The following DOCK8 variants were observed in gnomAD, a reference collection of about 807,000 sequenced individuals.
The protein encoded by DOCK8 is dedicator of cytokinesis 8.
A neutral mutation model predicts 245.6 loss-of-function variants in DOCK8; 141 were observed. The ratio of observed to expected loss-of-function variants is 0.57; its 90% CI spans 0.50 to 0.66. The LOEUF (loss-of-function observed/expected upper bound fraction) is 0.66, where lower values mean the gene tolerates loss of function less well. DOCK8 is among the 30% of genes least tolerant of loss of function. The pLI, the probability that DOCK8 is intolerant of heterozygous loss-of-function variation, is 0.00. For missense variants in DOCK8, 2,965 were observed against 2,603.4 expected, an observed-to-expected ratio of 1.14 and a Z score of -3.02; for synonymous variants, 1,168 against 970.2, an observed-to-expected ratio of 1.20 and a Z score of -3.79.
At chr9:462,777 G>A (rs965405568) in intron 46 of DOCK8, among the ~76,000 whole-genome samples, 8 of 152,334 alleles carry the variant, frequency 5.3e-5, no homozygotes, top group East Asian at 1.9e-4. Context: ...GGAGGAGGCT[G>A]AATGCCATCT....
intron 4 of DOCK8, among the ~76,000 whole-genome samples, chr9:293,346 C>T (rs1428065762): frequency 1.3e-5 from 2 of 152,226 alleles, no homozygotes; most frequent in Non-Finnish European, 2.9e-5. Context: ...GAATCCAGTA[C>T]ACTATTGCCA....
intron 1 of DOCK8, among the ~76,000 whole-genome samples, chr9:240,108 A>G (rs993927293): frequency 1.1e-4 from 17 of 152,320 alleles, no homozygotes; most frequent in African/African-American, 3.8e-4. Context: ...TTCCTTTGCA[A>G]GGTTTTGTGT....
At chr9:286,775 A>T in intron 3 of DOCK8, 139 bp downstream of exon 3, 1 of 849,634 alleles carries the variant, frequency 1.2e-6, no homozygotes, top group Non-Finnish European at 1.9e-6. Flanking sequence ...GGACAGCTAT[A>T]TGATATCATC....
intron 22 of DOCK8, among the ~76,000 whole-genome samples, chr9:384,732 C>T (rs542385247): frequency 8.6e-5 from 13 of 152,004 alleles, no homozygotes; most frequent in South Asian, 2.1e-4. Context: ...CTGGCTAACA[C>T]GGTGAAACCC....
At chr9:374,651 A>G (rs2053448475) in intron 18 of DOCK8, among the ~76,000 whole-genome samples, 1 of 149,986 alleles carries the variant, frequency 6.7e-6, no homozygotes, top group South Asian at 2.1e-4. Flanking sequence ...TTTTCATTAG[A>G]AACAGTGTCT....
chr9:355,424 A>G (rs1414787384), intron 14 of DOCK8, among the ~76,000 whole-genome samples: 2 of 151,964 alleles, frequency 1.3e-5, no homozygotes, highest in Non-Finnish European at 2.9e-5. Context: ...GGATGGTCTC[A>G]GTCTCCTGAC....
At chr9:212,901 T>A (rs1229942231), upstream of DOCK8, 1 of 152,214 alleles carries the variant, frequency 6.6e-6, no homozygotes, top group East Asian at 1.9e-4. Flanking sequence ...TCATAAACAT[T>A]CAGAAATTCA....
intron 1 of DOCK8, among the ~76,000 whole-genome samples, chr9:266,976 C>T (rs1300013487): frequency 6.6e-6 from 1 of 152,162 alleles, no homozygotes; most frequent in Non-Finnish European, 1.5e-5. Context: ...GAAACGGAAC[C>T]TGTGCAAACA....
chr9:214,450 TG>T, upstream of DOCK8: 1 of 1,566,748 alleles, frequency 6.4e-7, no homozygotes, highest in Non-Finnish European at 8.7e-7. Flanking sequence ...CTAACTTTTT[TG>T]TCTTTTTTTT....
Position 463,632 on chromosome 9 carries a change from G to A in DOCK8, c.6184G>A (p.Glu2062Lys), listed in dbSNP as rs201733542. The A allele has an allele frequency of 2.9e-5, 47 of 1,613,598 alleles. No individual in the cohort carries two copies. Among genetic ancestry groups the A allele is most frequent in the Non-Finnish European group, 3.1e-5 (37 of 1,180,018 alleles). ...AAAAGAGAACCTCAGGCCAATGATCGAGCGGAAAATTCCAGAACTGTACAA... is the reference window on the plus strand; with the variant it reads ...AAAAGAGAACCTCAGGCCAATGATCAAGCGGAAAATTCCAGAACTGTACAA... ...KLKENLRPMI[E>K]RKIPELYKPI... The change falls in exon 47 of 48, where the codon GAG becomes AAG. Residue 2062 changes from glutamate to lysine, a missense_variant. Glu to Lys is a moderately conservative substitution (Grantham distance 56, BLOSUM62 1). Around this residue, in one of 3 missense-constraint regions of DOCK8, gnomAD observed 134 missense variants for 128.1 expected, o/e 1.05. Coordinates refer to ENST00000432829, the MANE Select transcript of DOCK8 (RefSeq NM_203447.4).
chr9:304,042 T>C (rs1279472707), intron 4 of DOCK8, among the ~76,000 whole-genome samples: 2 of 152,244 alleles, frequency 1.3e-5, no homozygotes, highest in African/African-American at 4.8e-5. Flanking sequence ...TTCCCACAGC[T>C]GTATATTATT....
chr9:400,965 C>G (rs1029248577), intron 26 of DOCK8, among the ~76,000 whole-genome samples: 91 of 62,190 alleles, frequency 1.5e-3, no homozygotes, highest in African/African-American at 3.2e-3. Flanking sequence ...ACCACCACCA[C>G]CTCCTCCACC....
chr9:270,109 A>G (rs762783970), intron 1 of DOCK8, among the ~76,000 whole-genome samples: 2 of 152,182 alleles, frequency 1.3e-5, no homozygotes, highest in African/African-American at 4.8e-5. Flanking sequence ...TTTGATCTGC[A>G]TTTCCCATTT....
intron 1 of DOCK8, among the ~76,000 whole-genome samples, chr9:269,536 G>A (rs1160011580): frequency 6.6e-6 from 1 of 150,682 alleles, no homozygotes; most frequent in Non-Finnish European, 1.5e-5. Flanking sequence ...AAGTTTTTGT[G>A]GGGAAGTGTG....
At chr9:388,400 C>G (rs1382427048) in intron 23 of DOCK8, among the ~76,000 whole-genome samples, 1 of 152,234 alleles carries the variant, frequency 6.6e-6, no homozygotes, top group East Asian at 1.9e-4. Context: ...TTCCTCACCA[C>G]TAACCCGCCT....
At chr9:346,275 C>G (rs1327373529) in intron 14 of DOCK8, among the ~76,000 whole-genome samples, 1 of 152,136 alleles carries the variant, frequency 6.6e-6, no homozygotes, top group African/African-American at 2.4e-5. Context: ...TGCACCAACT[C>G]CTGGCTTATT....
rs875378 is a variant in DOCK8 at position 370,185 on chromosome 9, C to T, written c.1798-45C>T. 1.0e-3 allele frequency: 1,538 copies of T among 1,504,794 alleles called. 12 individuals are homozygous for T. In the African/African-American group the frequency reaches 0.019, roughly 18 times the overall value. 93.2% of individuals were successfully genotyped at this position (1,504,794 alleles called of 1,614,324 possible). On this transcript the variant is annotated intron_variant, in intron 15 of 47. Coordinates refer to ENST00000432829, the MANE Select transcript of DOCK8 (RefSeq NM_203447.4). ...GCCTGATGATAGTCAATTTGATGTA[C>T]CCAAATGTTACTGATAATTTGATCC...
intron 1 of DOCK8, among the ~76,000 whole-genome samples, chr9:244,794 C>T (rs2047467196): frequency 6.6e-6 from 1 of 151,794 alleles, no homozygotes; most frequent in Non-Finnish European, 1.5e-5. Context: ...AGGTGCTTCC[C>T]ACCATAGCTC....
At chr9:426,612 C>G (rs1587001463) in intron 33 of DOCK8, among the ~76,000 whole-genome samples, 1 of 152,194 alleles carries the variant, frequency 6.6e-6, no homozygotes, top group South Asian at 2.1e-4. Flanking sequence ...ATAACTGCTT[C>G]TCTACCCATA....
Sources: gnomAD v4.1 joint callset for allele counts (sites outside exome capture counted in the v4.1 genomes callset) on GRCh38, gnomAD v4.1.1 for gene constraint, gnomAD v4.1.1 regional missense constraint, MANE v1.5 for transcripts, NCBI Gene and HGNC (gene_info 2026-07-23, HGNC 2026-07-21) for gene names.